Variants in KLC2 observed in about 807,000 individuals in gnomAD.
KLC2 encodes KLC 2.
A neutral mutation model predicts 75.1 loss-of-function variants in KLC2; 35 were observed. That is an observed-to-expected ratio of 0.47 (90% CI 0.36 to 0.62). KLC2 has a LOEUF of 0.62. Among genes scored for constraint, KLC2 ranks in the 20% least tolerant of loss-of-function variants. KLC2 has a pLI of 0.00. For synonymous variants in KLC2, 314 were observed against 336.7 expected (o/e 0.93, Z 0.74); for missense variants, 611 against 833.2 (o/e 0.73, Z 3.28).
At position 66,267,313 on chromosome 11, in the gene KLC2, C is replaced by T. The variant is rs745999545; in HGVS notation, c.*357C>T. 83 of 847,428 alleles carry T rather than the reference C, an allele frequency of 9.8e-5. No individual in the cohort carries two copies. Among genetic ancestry groups the T allele is most frequent in the Non-Finnish European group, 9.9e-6 (5 of 504,410 alleles). The allele number at this position is 847,428 out of a possible 1,614,324, so 52.5% of individuals were successfully genotyped here. On this transcript the variant is annotated 3_prime_UTR_variant, in exon 16 of 16. Transcript: ENST00000394067. ...CCTTCGGCACCCTCGCCCTCCCTCC[C>T]GACTCAACCCGGCCGTTGCTTCTGT...
the KLC2 span, among the ~76,000 whole-genome samples, chr11:66,248,898 CTTTGT>C: frequency 2.1e-3 from 314 of 152,020 alleles, 1 homozygote; most frequent in African/African-American, 6.7e-3. Context: ...ACACCTGGCT[CTTTGT>C]TTTGTTTTGT....
chr11:66,249,270 A>G, the KLC2 span, among the ~76,000 whole-genome samples: 2 of 152,190 alleles, frequency 1.3e-5, no homozygotes, highest in African/African-American at 4.8e-5. Context: ...TCAACATGAC[A>G]TCATGGATGA....
At position 66,262,839 on chromosome 11, in the gene KLC2, G is replaced by C; in HGVS notation, c.555G>C (p.Val185=). Residue 185 remains valine (V), a synonymous_variant, in exon 5 of 16, where the codon GTG becomes GTC. Transcript: ENST00000394067. ...CCCCTAGCCCAGGAGGAGGGGATGT[G>C]TCTGGTCAGCATGGGGGCTACGAGA... is the stretch of plus-strand genomic sequence containing the variant. ...SPAPSPGGGD[V]SGQHGGYEIP... 1.2e-6 allele frequency: 2 copies of C among 1,613,084 alleles called. No individual in the cohort carries two copies. Among genetic ancestry groups the C allele is most frequent in the South Asian group, 1.1e-5 (1 of 91,064 alleles).
intron 4 of KLC2, 189 bp from the exon 5 acceptor site, chr11:66,262,625 T>C: frequency 1.7e-6 from 1 of 597,050 alleles, no homozygotes; most frequent in Non-Finnish European, 3.0e-6. Flanking sequence ...CCTGAAGTAC[T>C]GGAGCTGGGC....
At chr11:66,265,811 G>A (rs765919960) in intron 12 of KLC2, 43 bp from the exon 13 acceptor site, 4 of 1,602,296 alleles carry the variant, frequency 2.5e-6, no homozygotes, top group Non-Finnish European at 3.4e-6. Flanking sequence ...TGTGGCCCTG[G>A]GTGTGGTCCA....
At position 66,267,337 on chromosome 11, in the gene KLC2, G is replaced by C. The variant is rs1176870125; in HGVS notation, c.*381G>C. ...CCGACTCAACCCGGCCGTTGCTTCT[G>C]TATATAGAGAAATAAGTTATTGGCC... On this transcript the variant is annotated 3_prime_UTR_variant, in exon 16 of 16. Transcript: ENST00000394067. 2.6e-6 allele frequency: 2 copies of C among 760,620 alleles called. No homozygotes were observed. Among genetic ancestry groups the C allele is most frequent in the Non-Finnish European group, 4.7e-6 (2 of 424,770 alleles). 47.1% of individuals were successfully genotyped at this position (760,620 alleles called of 1,614,324 possible).
chr11:66,263,976 G>A, intron 7 of KLC2, 24 bp downstream of exon 7: 1 of 1,613,036 alleles, frequency 6.2e-7, no homozygotes, highest in African/African-American at 1.3e-5. Flanking sequence ...GGGCTGGGCA[G>A]GCTGGGGGTC....
At position 66,262,986 on chromosome 11, in the gene KLC2, C is replaced by T. The variant is rs770548281; in HGVS notation, c.702C>T (p.His234=). Residue 234 remains histidine, a synonymous_variant, in exon 5 of 16, where the codon CAC becomes CAT. Coordinates refer to ENST00000394067, the MANE Select transcript of KLC2 (RefSeq NM_001318734.2). ...ALEDLEKTSG[H]DHPDVATMLN... ...AAGACCTGGAGAAGACGTCAGGCCA[C>T]GACCACCCTGACGTTGCCACCATGC... 93 of 1,613,866 alleles carry T rather than the reference C, an allele frequency of 5.8e-5. No homozygotes were observed. Among genetic ancestry groups the T allele is most frequent in the Middle Eastern group, 1.6e-4 (1 of 6,084 alleles).
chr11:66,257,903 G>A (rs1217970091), intron 1 of KLC2, 32 bp downstream of exon 1: 1 of 152,916 alleles, frequency 6.5e-6, no homozygotes, highest in African/African-American at 2.4e-5. Flanking sequence ...CGGGAGACGG[G>A]GTCAGGCCCT....
At chr11:66,254,138 C>T (rs1441024675), upstream of KLC2, among the ~76,000 whole-genome samples, 1 of 152,080 alleles carries the variant, frequency 6.6e-6, no homozygotes. Context: ...AGGAGAATGG[C>T]GTGAACCTGG....
At chr11:66,259,765 G>A (rs1013953352) in intron 2 of KLC2, 2 of 152,242 alleles carry the variant, frequency 1.3e-5, no homozygotes, top group Non-Finnish European at 2.9e-5. Context: ...GAGAGCTGGT[G>A]CTTGGAATTA....
At chr11:66,265,455 C>G in intron 11 of KLC2, 200 bp from the exon 12 acceptor site, 1 of 670,046 alleles carries the variant, frequency 1.5e-6, no homozygotes, top group Non-Finnish European at 2.6e-6. Context: ...CATGAGGGCC[C>G]TGGGGCCAGG....
the KLC2 span, chr11:66,246,226 G>A: frequency 6.6e-6 from 1 of 152,612 alleles, no homozygotes; most frequent in African/African-American, 2.4e-5. Flanking sequence ...GCAGGGTGAA[G>A]TGCCCACGAG....
At chr11:66,262,752 C>A in intron 4 of KLC2, 62 bp from the exon 5 acceptor site, 2 of 1,231,118 alleles carry the variant, frequency 1.6e-6, no homozygotes, top group Non-Finnish European at 2.3e-6. Flanking sequence ...GCACAGCTGG[C>A]ATGTGCCATC....
chr11:66,264,568 C>T (rs1856680603), intron 9 of KLC2, 124 bp downstream of exon 9: 1 of 739,034 alleles, frequency 1.4e-6, no homozygotes, highest in Admixed American at 2.1e-5. Flanking sequence ...TCACCAGCCT[C>T]ACCCTCAGAT....
intron 5 of KLC2, 95 bp from the exon 6 acceptor site, chr11:66,263,565 C>G: frequency 1.2e-6 from 1 of 822,838 alleles, no homozygotes; most frequent in Non-Finnish European, 2.0e-6. Flanking sequence ...GTCATACACA[C>G]TCAGTGAGTA....
chr11:66,267,028 C>T lies in KLC2; in HGVS notation c.*72C>T. 1.3e-6 allele frequency: 2 copies of T among 1,571,106 alleles called. No homozygotes were observed. The highest frequency in any genetic ancestry group is 1.1e-5 in the South Asian group (1 of 88,272). On this transcript the variant is annotated 3_prime_UTR_variant, in exon 16 of 16. Coordinates refer to ENST00000394067, the MANE Select transcript of KLC2 (RefSeq NM_001318734.2). Reference sequence around the variant, plus strand: ...CCTCACCCCAGCCCTGCGCATGGGCCTGCTGCTTGTCCCGCCTGTCTCTCC... The same window carrying T: ...CCTCACCCCAGCCCTGCGCATGGGCTTGCTGCTTGTCCCGCCTGTCTCTCC...
At chr11:66,260,298 G>T (rs977002756) in intron 2 of KLC2, among the ~76,000 whole-genome samples, 3 of 152,146 alleles carry the variant, frequency 2.0e-5, no homozygotes, top group African/African-American at 7.2e-5. Flanking sequence ...CCAGTTGGCC[G>T]TCAGAGGTAG....
At chr11:66,251,659 C>T in the KLC2 span, among the ~76,000 whole-genome samples, 60 of 152,222 alleles carry the variant, frequency 3.9e-4, no homozygotes, top group African/African-American at 1.3e-3. Context: ...GTAATCCCAG[C>T]TACTCAGGAG....
Sources: allele counts gnomAD v4.1 joint callset (sites outside exome capture counted in the v4.1 genomes callset), GRCh38; gene constraint gnomAD v4.1.1; transcripts MANE v1.5; gene names NCBI Gene and HGNC (gene_info 2026-07-23, HGNC 2026-07-21).